Variants in CEP164 observed in about 807,000 individuals in gnomAD.
CEP164 encodes the protein centrosomal protein of 164 kDa.
A neutral mutation model predicts 182.7 loss-of-function variants in CEP164; 162 were observed. The ratio of observed to expected loss-of-function variants is 0.89; its 90% CI spans 0.78 to 1.01. CEP164 has a LOEUF of 1.01. CEP164 is among the 50% of genes least tolerant of loss of function. The pLI, the probability that CEP164 is intolerant of heterozygous loss-of-function variation, is 0.00. For synonymous variants in CEP164, 661 were observed against 690.0 expected, an observed-to-expected ratio of 0.96 and a Z score of 0.66; for missense variants, 1,735 against 1,790.4, an observed-to-expected ratio of 0.97 and a Z score of 0.56.
chr11:117,337,374 C>T (rs1309529868), intron 2 of CEP164, among the ~76,000 whole-genome samples: 1 of 151,978 alleles, frequency 6.6e-6, no homozygotes, highest in Non-Finnish European at 1.5e-5. Flanking sequence ...TTAATTACCT[C>T]CTAAAGAACC....
At chr11:117,403,478 G>A (rs1202799007) in intron 27 of CEP164, among the ~76,000 whole-genome samples, 1 of 152,144 alleles carries the variant, frequency 6.6e-6, no homozygotes, top group Non-Finnish European at 1.5e-5. Flanking sequence ...GTTGAATATT[G>A]GCCCCCACTC....
At chr11:117,351,183 C>G (rs940826627) in intron 4 of CEP164, among the ~76,000 whole-genome samples, 12 of 152,174 alleles carry the variant, frequency 7.9e-5, no homozygotes, top group African/African-American at 2.9e-4. Context: ...CAGGCATGCA[C>G]CACCACCCCG....
rs2047028444 is a variant in CEP164, at chr11:117,409,078, G to A, written c.3748+50G>A. The A allele has an allele frequency of 1.2e-6, 2 of 1,609,886 alleles. No homozygotes were observed. Among genetic ancestry groups the A allele is most frequent in the Non-Finnish European group, 1.7e-6 (2 of 1,177,606 alleles). On this transcript the variant is annotated intron_variant, in intron 29 of 32. Coordinates refer to ENST00000278935, the MANE Select transcript of CEP164 (RefSeq NM_014956.5). This position sits in a 1 kb window ranked among gnomAD's most constrained non-coding sequence, Gnocchi z 4.4. ...GGACCATGGTATCCATGGAATGGGAGGAACTTGGGGAATAGAAGAAGAGCT... is the reference window on the plus strand; with the variant it reads ...GGACCATGGTATCCATGGAATGGGAAGAACTTGGGGAATAGAAGAAGAGCT...
intron 27 of CEP164, among the ~76,000 whole-genome samples, chr11:117,399,235 T>C (rs1387402151): frequency 2.0e-5 from 3 of 152,220 alleles, no homozygotes; most frequent in African/African-American, 7.2e-5. Context: ...CATGCAGTGT[T>C]TGATTTTCTG....
intron 3 of CEP164, among the ~76,000 whole-genome samples, chr11:117,340,286 G>A (rs2037905540): frequency 1.3e-5 from 2 of 152,228 alleles, no homozygotes; most frequent in Non-Finnish European, 2.9e-5. Context: ...CCTCCCAGAG[G>A]ATTGGGATTA....
chr11:117,330,793 C>T (rs1031221080), intron 1 of CEP164, among the ~76,000 whole-genome samples: 1 of 152,170 alleles, frequency 6.6e-6, no homozygotes, highest in Non-Finnish European at 1.5e-5. Flanking sequence ...TAATGTCTAA[C>T]ATTTATTGAG....
At position 117,411,660 on chromosome 11, in the gene CEP164, C is replaced by G; in HGVS notation, c.4164-135C>G. On this transcript the variant is annotated intron_variant, in intron 31 of 32. Coordinates refer to ENST00000278935, the MANE Select transcript of CEP164 (RefSeq NM_014956.5). The surrounding 1 kb of genome is among the most constrained non-coding windows in gnomAD (Gnocchi z 4.4). The stretch of plus-strand genomic sequence containing the variant: ...GCAGATGTTTTGAAGCTTTGAATTG[C>G]TAGGGACCTCGGAGAAGCTGCTCTG... The G allele has an allele frequency of 8.0e-7, 1 of 1,253,192 alleles. No homozygotes were observed. Among genetic ancestry groups the G allele is most frequent in the Non-Finnish European group, 1.1e-6 (1 of 899,714 alleles). 77.6% of individuals were successfully genotyped at this position (1,253,192 alleles called of 1,614,324 possible).
At chr11:117,392,709 G>A (rs1365283762) in intron 19 of CEP164, 82 bp downstream of exon 19, 16 of 1,538,378 alleles carry the variant, frequency 1.0e-5, no homozygotes, top group Middle Eastern at 1.7e-4. Context: ...TAGCCTCAGC[G>A]GCCTCCAGTT....
At position 117,396,200 on chromosome 11, in the gene CEP164, C is replaced by A. The variant is rs1458630546; in HGVS notation, c.3216+20C>A. 10 of 508,936 alleles carry A rather than the reference C, an allele frequency of 2.0e-5. No homozygotes were observed. Among genetic ancestry groups the A allele is most frequent in the Non-Finnish European group, 4.0e-5 (10 of 253,110 alleles). The allele number at this position is 508,936 out of a possible 1,614,324, so 31.5% of individuals were successfully genotyped here. A position where few individuals can be genotyped will look rare whatever the true frequency, so the allele number is the denominator to read the frequency against. ...GGAACAGTGAGCTGGGGGCTGGGGC[C>A]TGGGGGCTGGGGCACCAGGATGGTG... is the stretch of plus-strand genomic sequence containing the variant. On this transcript the variant is annotated intron_variant, in intron 25 of 32. Transcript: ENST00000278935.
chr11:117,336,611 T>A, intron 2 of CEP164: 1 of 1,345,942 alleles, frequency 7.4e-7, no homozygotes, highest in Non-Finnish European at 1.1e-6. Context: ...GCCCTGGCTG[T>A]CTGGCATTGG....
chr11:117,333,158 G>A (rs1016905969), intron 1 of CEP164, among the ~76,000 whole-genome samples: 2 of 151,418 alleles, frequency 1.3e-5, no homozygotes, highest in Non-Finnish European at 2.9e-5. Context: ...GACTACAGGT[G>A]TGTGTCACCA....
intron 5 of CEP164, among the ~76,000 whole-genome samples, chr11:117,353,164 A>G (rs2039875796): frequency 6.6e-6 from 1 of 152,146 alleles, no homozygotes; most frequent in Non-Finnish European, 1.5e-5. Flanking sequence ...AGCACTGGGA[A>G]CATCGTTTCA....
chr11:117,392,423 A>G, intron 18 of CEP164, 73 bp from the exon 19 acceptor site: 1 of 1,575,816 alleles, frequency 6.3e-7, no homozygotes, highest in Non-Finnish European at 8.6e-7. Flanking sequence ...GGTCCTCAGA[A>G]CACATCCCCA....
intron 26 of CEP164, 52 bp from the exon 27 acceptor site, chr11:117,397,039 G>T: frequency 6.6e-7 from 1 of 1,522,642 alleles, no homozygotes; most frequent in South Asian, 1.2e-5. Flanking sequence ...GTGTGACCCA[G>T]AGCAGAGTTC....
At chr11:117,383,986 A>G (rs1353424155) in intron 14 of CEP164, among the ~76,000 whole-genome samples, 1 of 152,224 alleles carries the variant, frequency 6.6e-6, no homozygotes, top group Non-Finnish European at 1.5e-5. Flanking sequence ...CAGTGAGCCG[A>G]GATCGTGCCA....
At chr11:117,355,251 A>G (rs1216038503) in intron 5 of CEP164, 2 of 1,289,724 alleles carry the variant, frequency 1.6e-6, no homozygotes, top group African/African-American at 3.0e-5. Context: ...CAGGGTCTGG[A>G]GAAACTCCAG....
At chr11:117,347,098 AT>A (rs2039002454) in intron 4 of CEP164, among the ~76,000 whole-genome samples, 1 of 152,172 alleles carries the variant, frequency 6.6e-6, no homozygotes, top group African/African-American at 2.4e-5. Context: ...AGGCCTACTC[AT>A]TCTTGTATCA....
intron 27 of CEP164, among the ~76,000 whole-genome samples, chr11:117,404,046 A>G (rs771666742): frequency 8.6e-5 from 13 of 151,968 alleles, no homozygotes; most frequent in Non-Finnish European, 1.6e-4. Flanking sequence ...CTAGTTAGCA[A>G]TTCCTCTAAC....
chr11:117,380,001 G>A (rs2043148122), intron 11 of CEP164, among the ~76,000 whole-genome samples: 2 of 151,948 alleles, frequency 1.3e-5, no homozygotes, highest in African/African-American at 4.8e-5. Context: ...CTGCTGATGG[G>A]GCCAGGGTGC....
Sources: gnomAD v4.1 joint callset for allele counts (sites outside exome capture counted in the v4.1 genomes callset) on GRCh38, gnomAD v4.1.1 for gene constraint, Gnocchi (gnomAD v3.1) non-coding constraint, MANE v1.5 for transcripts, NCBI Gene and HGNC (gene_info 2026-07-23, HGNC 2026-07-21) for gene names.